Variants in INTS6 observed in about 807,000 individuals in gnomAD.
The protein encoded by INTS6 is DEAD box protein.
INTS6 carries 16 observed loss-of-function variants against 104.9 expected under a neutral mutation model. That is an observed-to-expected ratio of 0.15 (90% CI 0.10 to 0.23). The LOEUF (loss-of-function observed/expected upper bound fraction) is 0.23, where lower values mean the gene tolerates loss of function less well. Ranked by LOEUF, INTS6 falls within the 10% of genes least tolerant of loss-of-function variation. INTS6 has a pLI of 1.00. For missense variants in INTS6, 584 were observed against 1,062.8 expected, an observed-to-expected ratio of 0.55 and a Z score of 6.26; for synonymous variants, 324 against 358.7, an observed-to-expected ratio of 0.90 and a Z score of 1.09.
intron 10 of INTS6, 87 bp from the exon 11 acceptor site, chr13:51,379,659 A>C: frequency 1.6e-6 from 1 of 618,202 alleles, no homozygotes; most frequent in East Asian, 3.0e-5. Context: ...ATTTTCTCCA[A>C]AAAATTATTT....
chr13:51,430,470 G>A (rs111276489), intron 3 of INTS6, 87 bp from the exon 4 acceptor site: 5 of 890,200 alleles, frequency 5.6e-6, no homozygotes, highest in Non-Finnish European at 7.0e-6. Flanking sequence ...GCATATATAC[G>A]ATCTCCCTTT....
the INTS6 span, among the ~76,000 whole-genome samples, chr13:51,346,335 C>A: frequency 6.6e-6 from 1 of 151,982 alleles, no homozygotes; most frequent in African/African-American, 2.4e-5. Context: ...GGACTGGGGG[C>A]GACAATGTGC....
chr13:51,418,917 C>G (rs1246020156), intron 4 of INTS6, among the ~76,000 whole-genome samples: 2 of 152,146 alleles, frequency 1.3e-5, no homozygotes, highest in African/African-American at 4.8e-5. Context: ...AGTTTTAGAA[C>G]ATTTCCAACA....
chr13:51,392,347 T>C (rs1363254582), intron 5 of INTS6, among the ~76,000 whole-genome samples: 3 of 152,210 alleles, frequency 2.0e-5, no homozygotes, highest in South Asian at 2.1e-4. Flanking sequence ...GCTCCAGCCA[T>C]GCCAGCCTTC....
intron 4 of INTS6, among the ~76,000 whole-genome samples, chr13:51,408,729 T>C (rs17195027): frequency 0.024 from 3,614 of 152,260 alleles, 58 homozygotes; most frequent in South Asian, 0.059. Context: ...ACACCAAATA[T>C]TGCCCATAAT....
the INTS6 span, chr13:51,346,987 A>G: frequency 6.8e-7 from 1 of 1,471,476 alleles, no homozygotes; most frequent in Non-Finnish European, 9.3e-7. Context: ...GTTTCAATGC[A>G]CATTTAACCC....
chr13:51,372,470 C>A lies in INTS6; in HGVS notation c.2104+1738G>T, dbSNP rs1251112762. The stretch of plus-strand genomic sequence containing the variant: ...TCTTAACTTTGGCACTTTCAAGGTT[C>A]TGTTCTGAGCGTTTTTTCTTCTTTT... On this transcript the variant is annotated intron_variant, in intron 15 of 17. Transcript: ENST00000311234. 2.0e-5 allele frequency among the ~76,000 whole-genome samples: 3 copies of A among 152,114 alleles called. No individual in the cohort carries two copies. The East Asian group carries it at 5.8e-4, about 29-fold the overall frequency.
At chr13:51,383,960 A>C in intron 7 of INTS6, 1 of 341,926 alleles carries the variant, frequency 2.9e-6, no homozygotes. Flanking sequence ...ATCTATAGAA[A>C]TGAAAATATT....
intron 4 of INTS6, among the ~76,000 whole-genome samples, chr13:51,397,917 A>G (rs1028839427): frequency 2.0e-5 from 3 of 152,102 alleles, no homozygotes; most frequent in Admixed American, 2.0e-4. Flanking sequence ...TTGGCTGTAC[A>G]ATGCTGAATC....
chr13:51,389,470 G>C (rs1472936013), intron 5 of INTS6, 26 bp from the exon 6 acceptor site: 4 of 1,541,740 alleles, frequency 2.6e-6, no homozygotes, highest in Admixed American at 2.0e-5. Flanking sequence ...AGAAGAAGAA[G>C]AAGAAGAAGA....
intron 4 of INTS6, among the ~76,000 whole-genome samples, chr13:51,396,375 T>G (rs1028955573): frequency 1.3e-5 from 2 of 152,174 alleles, no homozygotes; most frequent in Non-Finnish European, 2.9e-5. Context: ...GTTGCATGTT[T>G]TATTAATAAT....
At chr13:51,442,982 CAG>C (rs543750843) in intron 3 of INTS6, 7 of 152,162 alleles carry the variant, frequency 4.6e-5, no homozygotes, top group African/African-American at 9.7e-5. Flanking sequence ...CTAAATGTAA[CAG>C]AGACAAAATG....
intron 4 of INTS6, among the ~76,000 whole-genome samples, chr13:51,409,094 C>G (rs1956632815): frequency 6.6e-6 from 1 of 151,884 alleles, no homozygotes; most frequent in South Asian, 2.1e-4. Context: ...AGAAGTTAAG[C>G]AGAGCATCAG....
intron 3 of INTS6, among the ~76,000 whole-genome samples, chr13:51,354,602 A>T (rs1955452176): frequency 6.6e-6 from 1 of 152,066 alleles, no homozygotes; most frequent in Non-Finnish European, 1.5e-5. Flanking sequence ...AAAAAAAAAA[A>T]AAAGTGTTTA....
At chr13:51,401,512 C>A (rs998586646) in intron 4 of INTS6, among the ~76,000 whole-genome samples, 1 of 152,044 alleles carries the variant, frequency 6.6e-6, no homozygotes, top group Non-Finnish European at 1.5e-5. Context: ...GAGAGTTAAT[C>A]CCAAGAAACT....
chr13:51,341,437 ACTCT>A, the INTS6 span: 1 of 1,235,882 alleles, frequency 8.1e-7, no homozygotes, highest in Non-Finnish European at 1.1e-6. Context: ...ACTCACACTC[ACTCT>A]CTCCAGCTTA....
At chr13:51,405,947 C>A (rs933241442) in intron 4 of INTS6, among the ~76,000 whole-genome samples, 2 of 152,182 alleles carry the variant, frequency 1.3e-5, no homozygotes, top group Non-Finnish European at 2.9e-5. Context: ...TCATTAAATC[C>A]ATTGGAGATT....
chr13:51,368,837 C>A, intron 16 of INTS6, 102 bp downstream of exon 16: 2 of 1,174,604 alleles, frequency 1.7e-6, no homozygotes, highest in Non-Finnish European at 1.2e-6. Context: ...GATCTAGAAT[C>A]ATATGTATTC....
chr13:51,444,160 C>A (rs1255745890), intron 3 of INTS6: 1 of 151,912 alleles, frequency 6.6e-6, no homozygotes, highest in Admixed American at 6.6e-5. Context: ...TCACTGCAAC[C>A]TCCACCTCCG....
Sources: gnomAD v4.1 joint callset for allele counts (sites outside exome capture counted in the v4.1 genomes callset) on GRCh38, gnomAD v4.1.1 for gene constraint, MANE v1.5 for transcripts, NCBI Gene and HGNC (gene_info 2026-07-23, HGNC 2026-07-21) for gene names.